The following NTNG1 variants were observed in gnomAD, a reference collection of about 807,000 sequenced individuals.
NTNG1 encodes netrin G1.
In NTNG1, 16 loss-of-function variants were observed where a neutral mutation model predicts 54.0. The ratio of observed to expected loss-of-function variants is 0.30; its 90% CI spans 0.20 to 0.45. The LOEUF is 0.45. Ranked by LOEUF, NTNG1 falls within the 20% of genes least tolerant of loss-of-function variation. NTNG1 has a pLI of 1.00. For missense variants in NTNG1, 530 were observed against 678.7 expected, an observed-to-expected ratio of 0.78 and a Z score of 2.43; for synonymous variants, 255 against 263.1, an observed-to-expected ratio of 0.97 and a Z score of 0.30.
intron 3 of NTNG1, among the ~76,000 whole-genome samples, chr1:107,331,612 C>G (rs1429652729): frequency 2.6e-5 from 4 of 152,076 alleles, no homozygotes; most frequent in Non-Finnish European, 5.9e-5. Context: ...ATTATGTACA[C>G]CTGCTTTCAA....
intron 3 of NTNG1, among the ~76,000 whole-genome samples, chr1:107,334,892 T>C (rs1274849246): frequency 6.6e-6 from 1 of 151,994 alleles, no homozygotes; most frequent in African/African-American, 2.4e-5. Context: ...TCCCATTAGG[T>C]ATGCTATGGC....
intron 2 of NTNG1, among the ~76,000 whole-genome samples, chr1:107,233,665 C>A (rs935311062): frequency 1.3e-5 from 2 of 152,150 alleles, no homozygotes; most frequent in South Asian, 2.1e-4. Flanking sequence ...GAACCCTTCC[C>A]CAGATAGCTT....
At chr1:107,442,306 A>T (rs78915394) in intron 7 of NTNG1, among the ~76,000 whole-genome samples, 1,643 of 152,224 alleles carry the variant, frequency 0.011, 8 homozygotes, top group Non-Finnish European at 0.018. Flanking sequence ...TGGGGGAAAA[A>T]GGTAGGATGT....
At chr1:107,295,164 T>TTA (rs1378009835) in intron 2 of NTNG1, among the ~76,000 whole-genome samples, 3 of 152,210 alleles carry the variant, frequency 2.0e-5, no homozygotes, top group African/African-American at 7.2e-5. Flanking sequence ...GCTCTTGCCT[T>TTA]TTTAAAGTGG....
intron 2 of NTNG1, among the ~76,000 whole-genome samples, chr1:107,158,976 A>G (rs904563365): frequency 1.3e-4 from 20 of 152,182 alleles, no homozygotes; most frequent in Admixed American, 3.9e-4. Context: ...AGGTTATACT[A>G]AAGGGCCTCA....
chr1:107,337,737 ATCT>A (rs1366551660), intron 3 of NTNG1, among the ~76,000 whole-genome samples: 19 of 152,010 alleles, frequency 1.2e-4, no homozygotes, highest in Non-Finnish European at 2.6e-4. Flanking sequence ...TCCTTATGAA[ATCT>A]TCTAGTCTTT....
chr1:107,206,270 T>G (rs1425508058), intron 2 of NTNG1, among the ~76,000 whole-genome samples: 1 of 152,138 alleles, frequency 6.6e-6, no homozygotes, highest in Non-Finnish European at 1.5e-5. Flanking sequence ...TGTATGAAAT[T>G]TCTAGCTGCC....
intron 7 of NTNG1, among the ~76,000 whole-genome samples, chr1:107,475,993 T>A (rs960964128): frequency 1.3e-5 from 2 of 152,192 alleles, no homozygotes; most frequent in Non-Finnish European, 2.9e-5. Flanking sequence ...TTCTTCAAAA[T>A]TTTTCAATCC....
intron 7 of NTNG1, among the ~76,000 whole-genome samples, chr1:107,456,111 A>G (rs1161834997): frequency 6.6e-6 from 1 of 152,176 alleles, no homozygotes; most frequent in African/African-American, 2.4e-5. Flanking sequence ...GAAAACCATT[A>G]CATGCCAAGA....
At chr1:107,307,752 T>C (rs534132703) in intron 2 of NTNG1, among the ~76,000 whole-genome samples, 39 of 152,334 alleles carry the variant, frequency 2.6e-4, no homozygotes, top group African/African-American at 8.7e-4. Context: ...TTTTAACTTA[T>C]TTCTAACTTC....
chr1:107,249,569 T>A (rs1662450202), intron 2 of NTNG1, among the ~76,000 whole-genome samples: 1 of 152,168 alleles, frequency 6.6e-6, no homozygotes, highest in South Asian at 2.1e-4. Flanking sequence ...CATTGTTTCC[T>A]AGAAGTTCCC....
chr1:107,333,238 A>G (rs1413881937), intron 3 of NTNG1, among the ~76,000 whole-genome samples: 2 of 152,046 alleles, frequency 1.3e-5, no homozygotes, highest in African/African-American at 4.8e-5. Context: ...GTCAAGAGAA[A>G]TAGATTCTCA....
In NTNG1 at chr1:107,324,485, T is replaced by C. The variant is rs1310268737; in HGVS notation, c.450T>C (p.Ile150=). 6.2e-7 allele frequency: 1 copy of C among 1,613,788 alleles called. No homozygotes were observed. The highest frequency in any genetic ancestry group is 2.2e-5 in the East Asian group (1 of 44,842). The change falls in exon 3 of 8, where the codon ATT becomes ATC. Residue 150 remains isoleucine, a synonymous_variant. Coordinates refer to ENST00000370068, the MANE Select transcript of NTNG1 (RefSeq NM_001113226.3). ...TTGAGCTAACAGACAACATAGTTAT[T>C]ACCTTTGAATCTGGGCGTCCAGACC... ...KTIELTDNIV[I]TFESGRPDQM... is the part of the protein sequence containing the mutation.
chr1:107,379,675 C>A (rs973595417), intron 3 of NTNG1, among the ~76,000 whole-genome samples: 1 of 152,092 alleles, frequency 6.6e-6, no homozygotes. Context: ...TGATAGCAAG[C>A]ACTATGTGTC....
chr1:107,335,456 G>T (rs558385884), intron 3 of NTNG1, among the ~76,000 whole-genome samples: 1 of 151,910 alleles, frequency 6.6e-6, no homozygotes, highest in African/African-American at 2.4e-5. Flanking sequence ...CTATATACAT[G>T]TATCTGCTGA....
At chr1:107,403,846 G>T (rs538783785) in intron 4 of NTNG1, among the ~76,000 whole-genome samples, 16 of 152,124 alleles carry the variant, frequency 1.1e-4, no homozygotes, top group African/African-American at 3.9e-4. Context: ...GAGTCTCTTT[G>T]TGCCTCTTCT....
intron 2 of NTNG1, among the ~76,000 whole-genome samples, chr1:107,234,204 C>T (rs900821600): frequency 2.6e-5 from 4 of 152,104 alleles, no homozygotes; most frequent in East Asian, 1.9e-4. Flanking sequence ...CTCACTGCAA[C>T]GTCTGTCTCC....
At chr1:107,299,796 A>G (rs1385276666) in intron 2 of NTNG1, among the ~76,000 whole-genome samples, 1 of 152,154 alleles carries the variant, frequency 6.6e-6, no homozygotes, top group Non-Finnish European at 1.5e-5. Context: ...AAGCAGCCTG[A>G]CAAGAAGTGT....
chr1:107,213,108 A>AT (rs1349097559), intron 2 of NTNG1, among the ~76,000 whole-genome samples: 1 of 151,648 alleles, frequency 6.6e-6, no homozygotes, highest in Non-Finnish European at 1.5e-5. Context: ...TAAATTTCTC[A>AT]TTTTGTCATG....
Sources: gnomAD v4.1 joint callset for allele counts (sites outside exome capture counted in the v4.1 genomes callset) on GRCh38, gnomAD v4.1.1 for gene constraint, MANE v1.5 for transcripts, NCBI Gene and HGNC (gene_info 2026-07-23, HGNC 2026-07-21) for gene names.